Variants in ZFHX4 observed in about 807,000 individuals in gnomAD.
The protein encoded by ZFHX4 is zinc finger homeobox 4, also known as zinc finger homeobox protein 4.
A neutral mutation model predicts 267.6 loss-of-function variants in ZFHX4; 56 were observed. The ratio of observed to expected loss-of-function variants is 0.21; its 90% confidence interval spans 0.17 to 0.26. ZFHX4 has a LOEUF of 0.26. Ranked by LOEUF, ZFHX4 falls within the 10% of genes least tolerant of loss-of-function variation. The pLI is 1.00. For missense variants in ZFHX4, 4,332 were observed against 4,420.0 expected, an observed-to-expected ratio of 0.98 and a Z score of 0.56; for synonymous variants, 1,778 against 1,665.6, an observed-to-expected ratio of 1.07 and a Z score of -1.64.
At chr8:76,794,727 G>C (rs1313431735) in intron 4 of ZFHX4, among the ~76,000 whole-genome samples, 1 of 152,096 alleles carries the variant, frequency 6.6e-6, no homozygotes, top group East Asian at 1.9e-4. Context: ...CTCAAAAAAA[G>C]AATTAAGTGT....
intron 1 of ZFHX4, among the ~76,000 whole-genome samples, chr8:76,694,125 A>G (rs2131587966): frequency 6.6e-6 from 1 of 152,306 alleles, no homozygotes; most frequent in South Asian, 2.1e-4. Flanking sequence ...TATAACAAGT[A>G]TCTACTCTGT....
At chr8:76,726,311 T>C (rs2131648538) in intron 3 of ZFHX4, among the ~76,000 whole-genome samples, 1 of 152,302 alleles carries the variant, frequency 6.6e-6, no homozygotes, top group African/African-American at 2.4e-5. Context: ...ATTTGTGTTG[T>C]TTTGGATCTG....
At chr8:76,751,649 G>A (rs559854131) in intron 3 of ZFHX4, among the ~76,000 whole-genome samples, 1 of 152,280 alleles carries the variant, frequency 6.6e-6, no homozygotes, top group South Asian at 2.1e-4. Context: ...AAGAAGATGA[G>A]ATAAAATAGT....
rs1471068641 is a variant in ZFHX4, at chr8:76,737,700, CATA to C, written c.3093+29657_3093+29659del. Among the ~76,000 whole-genome samples, 3 of 152,246 alleles carry C rather than the reference CATA, an allele frequency of 2.0e-5. No individual in the cohort carries two copies. In the East Asian group the frequency reaches 5.8e-4, roughly 29 times the overall value. Reference sequence around the variant, plus strand: ...TATCTGCTTTGCATAGTGCCTGGAACATAATAAGTGATAAAAATGGTAATTATT... The same window carrying C: ...TATCTGCTTTGCATAGTGCCTGGAACATAAGTGATAAAAATGGTAATTATT... On this transcript the variant is annotated intron_variant, in intron 3 of 10. Transcript: ENST00000651372.
At position 76,734,923 on chromosome 8, in the gene ZFHX4, A is replaced by G. The variant is rs1328409678; in HGVS notation, c.3093+26875A>G. ...GCACACAAATAGCATAGATTTTAAC[A>G]GTGGGGATCCCATTCTTCAGACATA... is the stretch of plus-strand genomic sequence containing the variant. On this transcript the variant is annotated intron_variant, in intron 3 of 10. Coordinates refer to ENST00000651372, the MANE Select transcript of ZFHX4 (RefSeq NM_024721.5). Among the ~76,000 whole-genome samples, 4 of 152,156 alleles carry G rather than the reference A, an allele frequency of 2.6e-5. No individual in the cohort carries two copies. The East Asian group carries it at 7.7e-4, about 29-fold the overall frequency.
chr8:76,801,270 C>A (rs1191108878), intron 4 of ZFHX4, among the ~76,000 whole-genome samples: 1 of 152,082 alleles, frequency 6.6e-6, no homozygotes, highest in Non-Finnish European at 1.5e-5. Context: ...TTGTTAAAAT[C>A]CAACCAAAAG....
At chr8:76,846,426 T>G (rs1413630364) in intron 6 of ZFHX4, among the ~76,000 whole-genome samples, 1 of 152,052 alleles carries the variant, frequency 6.6e-6, no homozygotes, top group Non-Finnish European at 1.5e-5. Context: ...TATATTAAGA[T>G]TATGGTTTAA....
chr8:76,836,743 A>C (rs921190627), intron 5 of ZFHX4, among the ~76,000 whole-genome samples: 3 of 152,016 alleles, frequency 2.0e-5, no homozygotes, highest in African/African-American at 7.2e-5. Flanking sequence ...GAATGGATTG[A>C]TTTTATTTAG....
intron 2 of ZFHX4, 55 bp from the exon 3 acceptor site, chr8:76,707,491 G>C: frequency 1.4e-6 from 2 of 1,401,832 alleles, no homozygotes; most frequent in Non-Finnish European, 1.9e-6. Context: ...AGATTCCTTT[G>C]TGTGTGCTGT....
intron 4 of ZFHX4, among the ~76,000 whole-genome samples, chr8:76,780,713 T>C (rs1321284234): frequency 6.6e-6 from 1 of 152,102 alleles, no homozygotes; most frequent in African/African-American, 2.4e-5. Context: ...AACAAATACA[T>C]TTTTGTAGTT....
chr8:76,822,406 C>T (rs553427695), intron 4 of ZFHX4, among the ~76,000 whole-genome samples: 28 of 149,168 alleles, frequency 1.9e-4, no homozygotes, highest in South Asian at 4.2e-4. Context: ...GGTTTTTTTC[C>T]TTTGGCCACT....
chr8:76,862,760 C>A (rs112220647), intron 10 of ZFHX4, among the ~76,000 whole-genome samples: 5 of 152,164 alleles, frequency 3.3e-5, no homozygotes, highest in African/African-American at 1.2e-4. Context: ...CAAGGTGTAT[C>A]AATTGGAAGG....
intron 3 of ZFHX4, among the ~76,000 whole-genome samples, chr8:76,760,469 C>G (rs1349391674): frequency 6.6e-6 from 1 of 152,082 alleles, no homozygotes; most frequent in Non-Finnish European, 1.5e-5. Context: ...GAGACAAATA[C>G]TTAAAATCAC....
At chr8:76,799,177 A>T (rs1811057165) in intron 4 of ZFHX4, among the ~76,000 whole-genome samples, 7 of 152,108 alleles carry the variant, frequency 4.6e-5, no homozygotes, top group Admixed American at 3.3e-4. Context: ...CTGTCCAGTC[A>T]CATGCTGAGA....
At chr8:76,758,484 T>TG (rs761774315) in intron 3 of ZFHX4, among the ~76,000 whole-genome samples, 2 of 152,038 alleles carry the variant, frequency 1.3e-5, no homozygotes, top group Non-Finnish European at 2.9e-5. Flanking sequence ...AAAAGAGTTT[T>TG]TTTGTTTGTT....
intron 3 of ZFHX4, among the ~76,000 whole-genome samples, chr8:76,727,294 A>G (rs1808879004): frequency 6.6e-6 from 1 of 151,914 alleles, no homozygotes; most frequent in African/African-American, 2.4e-5. Context: ...TTTTTCTTCC[A>G]TCGTTTTCAA....
chr8:76,814,817 A>T (rs1811464240), intron 4 of ZFHX4, among the ~76,000 whole-genome samples: 1 of 152,086 alleles, frequency 6.6e-6, no homozygotes, highest in African/African-American at 2.4e-5. Context: ...TGTCTTTTTG[A>T]AGAAACCATC....
chr8:76,721,938 G>A (rs1808732789), intron 3 of ZFHX4, among the ~76,000 whole-genome samples: 1 of 152,108 alleles, frequency 6.6e-6, no homozygotes, highest in East Asian at 1.9e-4. Flanking sequence ...CTTGCTAACT[G>A]ACAGGATTTT....
intron 3 of ZFHX4, among the ~76,000 whole-genome samples, chr8:76,752,468 C>T (rs1222834747): frequency 7.0e-6 from 1 of 143,252 alleles, no homozygotes; most frequent in Non-Finnish European, 1.5e-5. Flanking sequence ...ATGGTGAAAC[C>T]CTGTCTCTAC....
Sources: allele counts gnomAD v4.1 joint callset (sites outside exome capture counted in the v4.1 genomes callset), GRCh38; gene constraint gnomAD v4.1.1; transcripts MANE v1.5; gene names NCBI Gene and HGNC (gene_info 2026-07-23, HGNC 2026-07-21).